PKP1: variants seen among roughly 807,000 people sequenced by gnomAD.
The protein encoded by PKP1 is plakophilin 1.
A neutral mutation model predicts 76.4 loss-of-function variants in PKP1; 27 were observed. That is an observed-to-expected ratio of 0.35 (90% CI 0.26 to 0.49). The LOEUF is 0.49. Ranked by LOEUF, PKP1 falls within the 20% of genes least tolerant of loss-of-function variation. The pLI is 0.99. For synonymous variants in PKP1, 404 were observed against 384.2 expected, an observed-to-expected ratio of 1.05 and a Z score of -0.60; for missense variants, 964 against 955.2, an observed-to-expected ratio of 1.01 and a Z score of -0.12.
chr1:201,285,046 T>G (rs1655686896), intron 1 of PKP1, among the ~76,000 whole-genome samples: 2 of 152,074 alleles, frequency 1.3e-5, no homozygotes, highest in South Asian at 4.1e-4. Flanking sequence ...CACTTGTTTA[T>G]TTATTTACTT....
At chr1:201,289,024 C>T (rs1295296636) in intron 1 of PKP1, among the ~76,000 whole-genome samples, 6 of 152,210 alleles carry the variant, frequency 3.9e-5, no homozygotes, top group Admixed American at 3.3e-4. Context: ...CTGTGCTGAA[C>T]TCCTTGCCCT....
intron 2 of PKP1, among the ~76,000 whole-genome samples, chr1:201,297,407 T>C (rs1656106987): frequency 6.6e-6 from 1 of 152,166 alleles, no homozygotes; most frequent in Non-Finnish European, 1.5e-5. Flanking sequence ...TGGGGCAGGT[T>C]TTAGCCTCGC....
intron 1 of PKP1, among the ~76,000 whole-genome samples, chr1:201,284,894 G>C (rs1452505222): frequency 2.0e-5 from 3 of 152,258 alleles, no homozygotes; most frequent in Non-Finnish European, 4.4e-5. Context: ...CCCATGACTG[G>C]GGGAACCTGG....
intron 2 of PKP1, among the ~76,000 whole-genome samples, chr1:201,300,604 T>C (rs1386341388): frequency 6.6e-6 from 1 of 152,190 alleles, no homozygotes; most frequent in Non-Finnish European, 1.5e-5. Context: ...TGTTGGGGAC[T>C]CCTCTTCTGC....
chr1:201,310,986 A>G (rs1186828097), intron 2 of PKP1, among the ~76,000 whole-genome samples: 1 of 152,216 alleles, frequency 6.6e-6, no homozygotes, highest in Admixed American at 6.5e-5. Context: ...GAGAGGCTCA[A>G]TCAGCATGAT....
chr1:201,330,470 C>G lies in PKP1; in HGVS notation c.*429C>G, dbSNP rs1657284660. On this transcript the variant is annotated 3_prime_UTR_variant, in exon 14 of 14. Coordinates refer to ENST00000367324, the MANE Select transcript of PKP1 (RefSeq NM_001005337.3). ...AGCTCATAAGGTGGTGAAAAGGACT[C>G]TCCTGTGTTTCTTACTCATAGGCAA... is the stretch of plus-strand genomic sequence containing the variant. 1 of 152,214 alleles carries G rather than the reference C, an allele frequency of 6.6e-6. No individual in the cohort carries two copies. Among genetic ancestry groups the G allele is most frequent in the Non-Finnish European group, 1.5e-5 (1 of 68,058 alleles). 9.4% of individuals were successfully genotyped at this position (152,214 alleles called of 1,614,324 possible).
chr1:201,305,108 A>G (rs767007743), intron 2 of PKP1, among the ~76,000 whole-genome samples: 15 of 152,186 alleles, frequency 9.9e-5, no homozygotes, highest in Non-Finnish European at 1.9e-4. Flanking sequence ...GAGTGCATAT[A>G]GAAGTGTGTG....
At chr1:201,300,169 G>T (rs1297008062) in intron 2 of PKP1, among the ~76,000 whole-genome samples, 1 of 152,268 alleles carries the variant, frequency 6.6e-6, no homozygotes, top group African/African-American at 2.4e-5. Flanking sequence ...ATGTGCCTCT[G>T]AGAGAAAATG....
rs1005656312 is a variant in PKP1, at chr1:201,328,802, C to T, written c.2147C>T (p.Ala716Val). 1.9e-6 allele frequency: 3 copies of T among 1,614,000 alleles called. No individual in the cohort carries two copies. Among genetic ancestry groups the T allele is most frequent in the Middle Eastern group, 1.6e-4 (1 of 6,084 alleles). Reference protein sequence around the residue: ...DRNMLGTLAGANSLRNFTSRF With the variant: ...DRNMLGTLAGVNSLRNFTSRF ...AACATGCTGGGAACCTTAGCTGGGG[C>T]CAACAGCCTCAGGAACTTCACCTCC... Residue 716 changes from alanine (A) to valine (V), a missense_variant, in exon 13 of 14, where the codon GCC becomes GTC. Physicochemically the swap from Ala to Val is moderately conservative, Grantham distance 64. Transcript: ENST00000367324.
chr1:201,284,037 C>A (rs773427991), intron 1 of PKP1, 133 bp downstream of exon 1: 1 of 843,398 alleles, frequency 1.2e-6, no homozygotes, highest in East Asian at 2.7e-5. Flanking sequence ...GCAGGGTCTA[C>A]GCACCTAGTG....
intron 1 of PKP1, among the ~76,000 whole-genome samples, chr1:201,284,262 G>A (rs1448402424): frequency 6.6e-6 from 1 of 152,104 alleles, no homozygotes; most frequent in Non-Finnish European, 1.5e-5. Context: ...TTTCTCTTTC[G>A]GATGCTGCTC....
At chr1:201,306,810 G>A (rs984000344) in intron 2 of PKP1, among the ~76,000 whole-genome samples, 1 of 151,582 alleles carries the variant, frequency 6.6e-6, no homozygotes, top group Admixed American at 6.6e-5. Context: ...GAGTAGCTGG[G>A]ACTATAGGCG....
intron 2 of PKP1, among the ~76,000 whole-genome samples, chr1:201,298,532 G>A (rs556649873): frequency 6.6e-6 from 1 of 152,312 alleles, no homozygotes; most frequent in South Asian, 2.1e-4. Flanking sequence ...ACCCTGCTCA[G>A]GATCTAATCA....
intron 2 of PKP1, among the ~76,000 whole-genome samples, chr1:201,294,857 A>T (rs1656027329): frequency 6.6e-6 from 1 of 152,224 alleles, no homozygotes; most frequent in African/African-American, 2.4e-5. Flanking sequence ...ACTGCAGTAG[A>T]TGCTCAGGAT....
chr1:201,325,133 C>A lies in PKP1; in HGVS notation c.2021+6C>A, dbSNP rs375642746. ...ATCAACCTGTGCCGAAGCAGGTGGGCGGGGGGTTGCTCCCACGGGCTGCAC... is the reference window on the plus strand; with the variant it reads ...ATCAACCTGTGCCGAAGCAGGTGGGAGGGGGGTTGCTCCCACGGGCTGCAC... On this transcript the variant is annotated splice_donor_region_variant and intron_variant, in intron 11 of 13. Transcript: ENST00000367324. 1.4e-5 allele frequency: 23 copies of A among 1,612,822 alleles called. No homozygotes were observed. Among genetic ancestry groups the A allele is most frequent in the Non-Finnish European group, 1.9e-5 (22 of 1,179,756 alleles).
At chr1:201,310,693 A>G (rs1348871079) in intron 2 of PKP1, among the ~76,000 whole-genome samples, 3 of 152,182 alleles carry the variant, frequency 2.0e-5, no homozygotes, top group African/African-American at 4.8e-5. Flanking sequence ...ATGATGGGAG[A>G]GAGTCATACC....
At chr1:201,295,020 C>A (rs1205376749) in intron 2 of PKP1, among the ~76,000 whole-genome samples, 2 of 151,988 alleles carry the variant, frequency 1.3e-5, no homozygotes, top group Admixed American at 6.6e-5. Context: ...CTTGGGAATT[C>A]TTTTGTAAGG....
At chr1:201,316,477 C>T (rs980308101) in intron 3 of PKP1, 76 bp from the exon 4 acceptor site, 2 of 1,467,616 alleles carry the variant, frequency 1.4e-6, no homozygotes, top group African/African-American at 2.8e-5. Context: ...GCTTAGTGTG[C>T]TGGGAGGAAT....
intron 12 of PKP1, among the ~76,000 whole-genome samples, chr1:201,326,632 A>G (rs1260968455): frequency 6.6e-6 from 1 of 152,190 alleles, no homozygotes; most frequent in Non-Finnish European, 1.5e-5. Flanking sequence ...TTTAGGTGGG[A>G]GTAAGAGGGG....
Sources: gnomAD v4.1 joint callset for allele counts (sites outside exome capture counted in the v4.1 genomes callset) on GRCh38, gnomAD v4.1.1 for gene constraint, MANE v1.5 for transcripts, NCBI Gene and HGNC (gene_info 2026-07-23, HGNC 2026-07-21) for gene names.